BCL9L: variants seen among roughly 807,000 people sequenced by gnomAD.
The protein encoded by BCL9L is BCL9 like, also known as B-cell CLL/lymphoma 9-like protein.
Under a neutral mutation model 99.4 loss-of-function variants are expected in BCL9L, and 19 were observed. The ratio of observed to expected loss-of-function variants is 0.19; its 90% CI spans 0.13 to 0.28. BCL9L has a LOEUF of 0.28. Among genes scored for constraint, BCL9L ranks in the 10% least tolerant of loss-of-function variants. The pLI, the probability that BCL9L is intolerant of heterozygous loss-of-function variation, is 1.00. For synonymous variants in BCL9L, 900 were observed against 854.8 expected (o/e 1.05, Z -0.92); for missense variants, 2,023 against 2,101.6 (o/e 0.96, Z 0.73).
At position 118,899,402 on chromosome 11, in the gene BCL9L, C is replaced by T. The variant is rs771060426; in HGVS notation, c.3513G>A (p.Pro1171=). The change falls in exon 10 of 10, where the codon CCG becomes CCA. Residue 1171 remains proline, a synonymous_variant. Coordinates refer to ENST00000683865, the MANE Select transcript of BCL9L (RefSeq NM_001378213.1). Reference sequence around the variant, plus strand: ...GGGTGGGGGAGGGCAGCATGGCGGGCGGGGGCTCATGGGACAGGGGCTGCT... The same window carrying T: ...GGGTGGGGGAGGGCAGCATGGCGGGTGGGGGCTCATGGGACAGGGGCTGCT... The part of the protein sequence containing the change: ...PGQQPLSHEP[P]PAMLPSPTPL... 18 of 1,161,732 alleles carry T rather than the reference C, an allele frequency of 1.5e-5. No individual in the cohort carries two copies. Among genetic ancestry groups the T allele is most frequent in the South Asian group, 3.8e-5 (3 of 79,142 alleles). The allele number at this position is 1,161,732 out of a possible 1,614,324, so 72.0% of individuals were successfully genotyped here.
At position 118,903,173 on chromosome 11, in the gene BCL9L, C is replaced by T. The variant is rs186492189; in HGVS notation, c.749+63G>A. ...GCCCCTGCACGGGGCTCCCTCGGAA[C>T]CCCAGGCTGAGAGGTGCTGGGCAGA... On this transcript the variant is annotated intron_variant, in intron 6 of 9. Coordinates refer to ENST00000683865, the MANE Select transcript of BCL9L (RefSeq NM_001378213.1). The surrounding 1 kb of genome is among the most constrained non-coding windows in gnomAD (Gnocchi z 5.6). 26 of 1,472,972 alleles carry T rather than the reference C, an allele frequency of 1.8e-5. No individual in the cohort carries two copies. The highest frequency in any genetic ancestry group is 3.7e-6 in the Non-Finnish European group (4 of 1,085,414). The allele number at this position is 1,472,972 out of a possible 1,614,324, so 91.2% of individuals were successfully genotyped here.
In BCL9L at chr11:118,902,865, G is replaced by C. The variant is rs773072050; in HGVS notation, c.878C>G (p.Thr293Arg). The change falls in exon 8 of 10, where the codon ACG becomes AGG. Residue 293 changes from threonine (T) to arginine (R), a missense_variant. By Grantham distance (71) the Thr-to-Arg change is moderately conservative. Transcript: ENST00000683865. The surrounding 1 kb of genome is among the most constrained non-coding windows in gnomAD (Gnocchi z 7.8). ...PPTPEPLPLS[T>R]PSAGTPQSQP... is the part of the protein sequence containing the mutation. ...GGACTGCGGGGTGCCTGCTGACGGC[G>C]TGCTCAGGGGTAGCGGTTCTGGGGT... The C allele has an allele frequency of 6.4e-7, 1 of 1,553,088 alleles. No individual in the cohort carries two copies. Among genetic ancestry groups the C allele is most frequent in the South Asian group, 1.2e-5 (1 of 83,588 alleles).
intron 1 of BCL9L, among the ~76,000 whole-genome samples, chr11:118,920,320 A>T (rs1941102408): frequency 6.6e-6 from 1 of 152,200 alleles, no homozygotes; most frequent in Non-Finnish European, 1.5e-5. Flanking sequence ...CCTCTAATGT[A>T]GAATACTGTC....
At chr11:118,907,084 G>A (rs766574344) in intron 5 of BCL9L, among the ~76,000 whole-genome samples, 4 of 152,168 alleles carry the variant, frequency 2.6e-5, no homozygotes, top group African/African-American at 4.8e-5. Flanking sequence ...CTAGAGACAC[G>A]GCCAAGTGGC....
Position 118,921,526 on chromosome 11 carries a change from C to CG in BCL9L, c.-130-2648dup, listed in dbSNP as rs1369024838. Among the ~76,000 whole-genome samples, 10 of 151,788 alleles carry CG rather than the reference C, an allele frequency of 6.6e-5. No homozygotes were observed. The highest frequency in any genetic ancestry group is 5.9e-4 in the Admixed American group (9 of 15,224). ...GTGGAGAGTGAGGAGGAGGGGAAGA[C>CG]GGGCCAGCCCAGGGCTACCAGTCCA... is the stretch of plus-strand genomic sequence containing the variant. On this transcript the variant is annotated intron_variant, in intron 1 of 9. Coordinates refer to ENST00000683865, the MANE Select transcript of BCL9L (RefSeq NM_001378213.1). This position sits in a 1 kb window ranked among gnomAD's most constrained non-coding sequence, Gnocchi z 5.4.
At position 118,922,087 on chromosome 11, in the gene BCL9L, C is replaced by T. The variant is rs971914895; in HGVS notation, c.-131+3151G>A. ...ACCCAGGAAGTCGCCCCTCCCACGG[C>T]AGCCAGAATGCCCTTACTGCCCCTC... On this transcript the variant is annotated intron_variant, in intron 1 of 9. Transcript: ENST00000683865. This position sits in a 1 kb window ranked among gnomAD's most constrained non-coding sequence, Gnocchi z 6.2. 6.6e-6 allele frequency among the ~76,000 whole-genome samples: 1 copy of T among 152,140 alleles called. No homozygotes were observed. Among genetic ancestry groups the T allele is most frequent in the African/African-American group, 2.4e-5 (1 of 41,432 alleles).
intron 2 of BCL9L, chr11:118,911,112 G>A (rs1302384772): frequency 4.9e-6 from 2 of 406,092 alleles, no homozygotes; most frequent in Non-Finnish European, 1.0e-5. Flanking sequence ...CACGCACAGG[G>A]CCATAGATAC....
Position 118,898,862 on chromosome 11 carries a change from C to T in BCL9L, c.4053G>A (p.Lys1351=), listed in dbSNP as rs778416047. 1.7e-5 allele frequency: 28 copies of T among 1,613,890 alleles called. No individual in the cohort carries two copies. Among genetic ancestry groups the T allele is most frequent in the Non-Finnish European group, 2.3e-5 (27 of 1,179,982 alleles). The change falls in exon 10 of 10, where the codon AAG becomes AAA. Residue 1351 remains lysine (K), a synonymous_variant. Coordinates refer to ENST00000683865, the MANE Select transcript of BCL9L (RefSeq NM_001378213.1). ...TGAGATGCAGATTAGGGGGCTGAGC[C>T]TTGGGGGGCTGGTTCTCGCTCTTGG... ...YFPKSENQPP[K]AQPPNLHLMN... is the part of the protein sequence containing the mutation.
chr11:118,910,044 T>A, intron 2 of BCL9L, 29 bp from the exon 3 acceptor site: 1 of 1,467,212 alleles, frequency 6.8e-7, no homozygotes, highest in Non-Finnish European at 9.3e-7. Flanking sequence ...AAGAGAAAAC[T>A]CGTGACTTGG....
chr11:118,901,834 T>G lies in BCL9L; in HGVS notation c.1909A>C (p.Met637Leu), dbSNP rs763943467. Residue 637 changes from methionine to leucine, a missense_variant, in exon 8 of 10, where the codon ATG (methionine) becomes CTG (leucine). Coordinates refer to ENST00000683865, the MANE Select transcript of BCL9L (RefSeq NM_001378213.1). The surrounding 1 kb of genome is among the most constrained non-coding windows in gnomAD (Gnocchi z 6.6). ...GGGGGCAAGTCTTCGGTCCAGCCCATGCCTGGTCTCACGGGCCTCTGCATG... is the reference window on the plus strand; with the variant it reads ...GGGGGCAAGTCTTCGGTCCAGCCCAGGCCTGGTCTCACGGGCCTCTGCATG... ...NAMQRPVRPG[M>L]GWTEDLPPMG... 6.2e-7 allele frequency: 1 copy of G among 1,610,318 alleles called. No homozygotes were observed. Among genetic ancestry groups the G allele is most frequent in the Non-Finnish European group, 8.5e-7 (1 of 1,176,942 alleles).
chr11:118,920,733 G>A (rs1216003365), intron 1 of BCL9L, among the ~76,000 whole-genome samples: 8 of 152,294 alleles, frequency 5.3e-5, no homozygotes, highest in Non-Finnish European at 5.9e-5. Flanking sequence ...CTAGGTGTCC[G>A]TGAGGGGTAG....
In BCL9L at chr11:118,897,789, A is replaced by G. The variant is rs1054092993; in HGVS notation, c.*626T>C. The G allele has an allele frequency of 8.8e-6, 4 of 455,894 alleles. No homozygotes were observed. In the Admixed American group the frequency reaches 9.4e-5, roughly 11 times the overall value. The allele number at this position is 455,894 out of a possible 1,614,324, so 28.2% of individuals were successfully genotyped here. On this transcript the variant is annotated 3_prime_UTR_variant, in exon 10 of 10. Transcript: ENST00000683865. Reference sequence around the variant, plus strand: ...TTTTGTGTGACTTCTATCAAAACACAGAAATACAGCACACGCACAAACCAG... The same window carrying G: ...TTTTGTGTGACTTCTATCAAAACACGGAAATACAGCACACGCACAAACCAG...
In BCL9L at chr11:118,897,442, C is replaced by T. The variant is rs561303363; in HGVS notation, c.*973G>A. ...CATCCAAAGTGGAAAGCCAGGGCCC[C>T]GTGTCACCGGTGTGGGCAAACACAC... On this transcript the variant is annotated 3_prime_UTR_variant, in exon 10 of 10. Transcript: ENST00000683865. The T allele has an allele frequency of 4.4e-5, 9 of 206,166 alleles. No individual in the cohort carries two copies. The highest frequency in any genetic ancestry group is 4.8e-5 in the African/African-American group (2 of 41,992). 12.8% of individuals were successfully genotyped at this position (206,166 alleles called of 1,614,324 possible).
chr11:118,901,930 C>T lies in BCL9L; in HGVS notation c.1813G>A (p.Gly605Ser), dbSNP rs1200290498. Residue 605 changes from glycine (G) to serine (S), a missense_variant, in exon 8 of 10, where the codon GGC becomes AGC. Around this residue, in one of 3 missense-constraint regions of BCL9L, gnomAD observed 1,116 missense variants for 1,194.6 expected, o/e 0.93. Transcript: ENST00000683865. The surrounding 1 kb of genome is among the most constrained non-coding windows in gnomAD (Gnocchi z 6.6). ...GPPFPGPRFPGNQIQRVPGFG... is the reference protein window; with the variant it reads ...GPPFPGPRFPSNQIQRVPGFG... The stretch of plus-strand genomic sequence containing the variant: ...CCAGGTACCCGTTGTATCTGGTTGC[C>T]TGGGAAACGGGGCCCAGGAAAGGGA... The T allele has an allele frequency of 6.2e-7, 1 of 1,613,420 alleles. No homozygotes were observed. The highest frequency in any genetic ancestry group is 1.7e-5 in the Admixed American group (1 of 59,974).
rs760320145 is a variant in BCL9L at position 118,902,668 on chromosome 11, T to C, written c.1075A>G (p.Thr359Ala). 2.5e-6 allele frequency: 4 copies of C among 1,599,298 alleles called. No individual in the cohort carries two copies. Among genetic ancestry groups the C allele is most frequent in the South Asian group, 1.1e-5 (1 of 91,044 alleles). Residue 359 changes from threonine to alanine, a missense_variant, in exon 8 of 10, where the codon ACC becomes GCC. By Grantham distance (58) the Thr-to-Ala change is moderately conservative. Around this residue, in one of 3 missense-constraint regions of BCL9L, gnomAD observed 1,116 missense variants for 1,194.6 expected, o/e 0.93. Transcript: ENST00000683865. The surrounding 1 kb of genome is among the most constrained non-coding windows in gnomAD (Gnocchi z 7.8). ...GGTHPNTPTA[T>A]TANNPLPPGG... ...GGAGGCAGAGGGTTGTTGGCGGTGG[T>C]AGCCGTCGGGGTGTTAGGGTGGGTG... is the stretch of plus-strand genomic sequence containing the variant.
At chr11:118,911,397 AC>A in intron 2 of BCL9L, 1 of 388,020 alleles carries the variant, frequency 2.6e-6, no homozygotes, top group African/African-American at 2.1e-5. Flanking sequence ...CCCCAACTTA[AC>A]CCTAGGGCAC....
At chr11:118,907,705 G>C in intron 4 of BCL9L, 103 bp from the exon 5 acceptor site, 2 of 1,522,840 alleles carry the variant, frequency 1.3e-6, no homozygotes, top group Non-Finnish European at 1.8e-6. Context: ...CCCCACCCTA[G>C]AGGGCACTGC....
chr11:118,898,304 A>ACCCCCCCCCCCCCCCCCCC lies in BCL9L; in HGVS notation c.*110_*111insGGGGGGGGGGGGGGGGGGG. The ACCCCCCCCCCCCCCCCCCC allele has an allele frequency of 1.0e-5, 2 of 193,448 alleles. No homozygotes were observed. The highest frequency in any genetic ancestry group is 1.8e-5 in the Non-Finnish European group (2 of 108,398). 12.0% of individuals were successfully genotyped at this position (193,448 alleles called of 1,614,324 possible). On this transcript the variant is annotated 3_prime_UTR_variant, in exon 10 of 10. Transcript: ENST00000683865. ...CCACTCCCTACACAAGCCCCCTCCC[A>ACCCCCCCCCCCCCCCCCCC]CCCCCTCCACCCCACCCCGCGACCC...
chr11:118,909,415 G>A (rs773978548), intron 3 of BCL9L, among the ~76,000 whole-genome samples: 1 of 152,202 alleles, frequency 6.6e-6, no homozygotes, highest in Middle Eastern at 3.4e-3. Context: ...ATCACATCAC[G>A]GGAGAGGATA....
Sources: allele counts gnomAD v4.1 joint callset (sites outside exome capture counted in the v4.1 genomes callset), GRCh38; gene constraint gnomAD v4.1.1; regional missense constraint gnomAD v4.1.1; non-coding constraint Gnocchi (gnomAD v3.1); transcripts MANE v1.5; gene names NCBI Gene and HGNC (gene_info 2026-07-23, HGNC 2026-07-21).